Variants in TREML1 observed in about 807,000 individuals in gnomAD.
TREML1 encodes the protein triggering receptor expressed on myeloid cells like 1.
A neutral mutation model predicts 22.8 loss-of-function variants in TREML1; 27 were observed. The ratio of observed to expected loss-of-function variants is 1.19; its 90% CI spans 0.87 to 1.64. The LOEUF (loss-of-function observed/expected upper bound fraction) is 1.64, where lower values mean the gene tolerates loss of function less well. Among genes scored for constraint, TREML1 ranks in the 40% most tolerant of loss-of-function variants. The pLI, the probability that TREML1 is intolerant of heterozygous loss-of-function variation, is 0.00. For synonymous variants in TREML1, 153 were observed against 161.9 expected (o/e 0.94, Z 0.42); for missense variants, 356 against 382.0 (o/e 0.93, Z 0.57).
Position 41,149,619 on chromosome 6 carries a change from CTG to C in TREML1, c.919_920del (p.Gln307AspfsTer31). 6.2e-7 allele frequency: 1 copy of C among 1,611,758 alleles called. No individual in the cohort carries two copies. The highest frequency in any genetic ancestry group is 8.5e-7 in the Non-Finnish European group (1 of 1,178,354). On this transcript the variant is annotated frameshift_variant, in exon 6 of 6. Transcript: ENST00000426005. LOFTEE classifies it high-confidence loss of function. ...GATGAGCAGCTTAGCTGGATGGAGTCTGATTGTTAGGTGGATTCTGGGCTGGC... is the reference window on the plus strand; with the variant it reads ...GATGAGCAGCTTAGCTGGATGGAGTCATTGTTAGGTGGATTCTGGGCTGGC... Reference protein sequence around the residue: ...CGPAQNPPNNQTPSS With the variant: ...CGPAQNPPNNXTPSS
intron 5 of TREML1, 106 bp downstream of exon 5, chr6:41,150,155 A>G (rs962411394): frequency 3.1e-6 from 4 of 1,299,998 alleles, no homozygotes; most frequent in Admixed American, 4.1e-5. Flanking sequence ...TTGGACCCCA[A>G]CTAGGTCCCA....
At chr6:41,153,667 C>A (rs1423327248) in intron 2 of TREML1, 91 bp downstream of exon 2, 19 of 1,350,916 alleles carry the variant, frequency 1.4e-5, no homozygotes, top group Non-Finnish European at 1.9e-5. Context: ...TCCCCAGGGG[C>A]CCCCACTCCT....
At chr6:41,149,296 A>G (rs886143522), downstream of TREML1, 3 of 281,820 alleles carry the variant, frequency 1.1e-5, no homozygotes, top group Non-Finnish European at 2.0e-5. Flanking sequence ...AGGCCAAGCA[A>G]TTAGTCAAAC....
rs1439933981 is a variant in TREML1, at chr6:41,150,814, C to T, written c.568+5G>A. 6.2e-7 allele frequency: 1 copy of T among 1,613,636 alleles called. No homozygotes were observed. Among genetic ancestry groups the T allele is most frequent in the South Asian group, 1.1e-5 (1 of 91,060 alleles). On this transcript the variant is annotated splice_donor_5th_base_variant and intron_variant, in intron 4 of 5. Transcript: ENST00000426005. ...CCAGGCTGAGATAGGAAGATAGCCACCTACCTTGTTTCCTCTTGGCCATCA... is the reference window on the plus strand; with the variant it reads ...CCAGGCTGAGATAGGAAGATAGCCATCTACCTTGTTTCCTCTTGGCCATCA...
At chr6:41,154,361 A>T (rs987882368), upstream of TREML1, 55 of 1,326,996 alleles carry the variant, frequency 4.1e-5, no homozygotes, top group Non-Finnish European at 5.4e-5. Flanking sequence ...GGCAGGAAAC[A>T]TCTGCCTCAG....
chr6:41,149,483 G>T lies in TREML1; in HGVS notation c.*121C>A. 9.0e-7 allele frequency: 1 copy of T among 1,108,848 alleles called. No homozygotes were observed. Among genetic ancestry groups the T allele is most frequent in the Non-Finnish European group, 1.3e-6 (1 of 768,540 alleles). The allele number at this position is 1,108,848 out of a possible 1,614,324, so 68.7% of individuals were successfully genotyped here. ...TTTCCCTAGTAAAGTTAGGACATTGGATTAGATCTTAAAGTCCCTGGTTGC... is the reference window on the plus strand; with the variant it reads ...TTTCCCTAGTAAAGTTAGGACATTGTATTAGATCTTAAAGTCCCTGGTTGC... On this transcript the variant is annotated 3_prime_UTR_variant, in exon 6 of 6. Coordinates refer to ENST00000426005, the MANE Select transcript of TREML1 (RefSeq NM_178174.4).
chr6:41,154,190 C>G, intron 1 of TREML1, 56 bp downstream of exon 1: 1 of 1,598,956 alleles, frequency 6.3e-7, no homozygotes. Context: ...CACGTTACTC[C>G]TGGACATGGG....
rs928030633 is a variant in TREML1 at position 41,149,443 on chromosome 6, A to T, written c.*161T>A. The T allele has an allele frequency of 5.2e-6, 4 of 770,238 alleles. 1 individual carries two copies. In the Admixed American group the frequency reaches 1.2e-4, roughly 23 times the overall value. 47.7% of individuals were successfully genotyped at this position (770,238 alleles called of 1,614,324 possible). A position where few individuals can be genotyped will look rare whatever the true frequency, so the allele number is the denominator to read the frequency against. The stretch of plus-strand genomic sequence containing the variant: ...AGGTCTTCCCCAAGACATCTCAGTC[A>T]TGTCTGAGCGTCACTTTCCCTAGTA... On this transcript the variant is annotated 3_prime_UTR_variant, in exon 6 of 6. Transcript: ENST00000426005.
chr6:41,149,904 C>A lies in TREML1; in HGVS notation c.636G>T (p.Val212=). The change falls in exon 6 of 6, where the codon GTG becomes GTT. Residue 212 remains valine (V), a synonymous_variant. Transcript: ENST00000426005. ...SRVSGMNPSS[V]VHHVSDSGPA... ...GTCCAGAGTCACTGACGTGGTGGAC[C>A]ACTGAGGAGGGATTCTGTAACAAAA... 3.1e-6 allele frequency: 5 copies of A among 1,612,652 alleles called. No homozygotes were observed. The highest frequency in any genetic ancestry group is 4.2e-6 in the Non-Finnish European group (5 of 1,179,034).
rs147540499 is a variant in TREML1, at chr6:41,149,453, G to A, written c.*151C>T. On this transcript the variant is annotated 3_prime_UTR_variant, in exon 6 of 6. Coordinates refer to ENST00000426005, the MANE Select transcript of TREML1 (RefSeq NM_178174.4). ...CAAGACATCTCAGTCATGTCTGAGC[G>A]TCACTTTCCCTAGTAAAGTTAGGAC... The A allele has an allele frequency of 4.2e-3, 3,514 of 843,674 alleles. 12 individuals are homozygous for A. The highest frequency in any genetic ancestry group is 5.5e-3 in the Non-Finnish European group (3,035 of 548,834). The allele number at this position is 843,674 out of a possible 1,614,324, so 52.3% of individuals were successfully genotyped here.
chr6:41,151,184 CA>C (rs1765235425), intron 3 of TREML1, 97 bp downstream of exon 3: 1 of 1,099,160 alleles, frequency 9.1e-7, no homozygotes, highest in African/African-American at 1.5e-5. Context: ...TGGGAAGAAT[CA>C]TAGGTTTTCC....
At chr6:41,152,573 A>G (rs926152344) in intron 2 of TREML1, among the ~76,000 whole-genome samples, 2 of 151,906 alleles carry the variant, frequency 1.3e-5, no homozygotes, top group African/African-American at 2.4e-5. Context: ...ATTTAGAGGG[A>G]AAAAAAACAA....
At position 41,150,290 on chromosome 6, in the gene TREML1, G is replaced by A. The variant is rs767822373; in HGVS notation, c.592C>T (p.Arg198Ter). 15 of 1,613,832 alleles carry A rather than the reference G, an allele frequency of 9.3e-6. No homozygotes were observed. Among genetic ancestry groups the A allele is most frequent in the Middle Eastern group, 1.6e-4 (1 of 6,084 alleles). ...KQGNRLGVCG[R>*]FLSSRVSGMN... is the part of the protein sequence containing the mutation. ...CCTGAAACTCTGCTGCTCAGGAATC[G>A]GCCACAGACACCAAGCCTGTTCCCT... The change falls in exon 5 of 6, where the codon CGA (arginine) becomes TGA (stop). Residue 198 changes from arginine to a stop codon, truncating the protein, a stop_gained. Coordinates refer to ENST00000426005, the MANE Select transcript of TREML1 (RefSeq NM_178174.4). LOFTEE classifies it low-confidence loss of function (END_TRUNC).
chr6:41,151,004 G>T, intron 3 of TREML1, 97 bp from the exon 4 acceptor site: 1 of 1,036,960 alleles, frequency 9.6e-7, no homozygotes, highest in Non-Finnish European at 1.5e-6. Context: ...TTACATTCTT[G>T]ATTGGGAGAG....
chr6:41,152,204 G>T (rs542029187), intron 2 of TREML1, among the ~76,000 whole-genome samples: 66 of 152,220 alleles, frequency 4.3e-4, no homozygotes, highest in African/African-American at 1.6e-3. Context: ...TGCCCTCCTG[G>T]TGCCTATTAG....
At chr6:41,150,415 G>T in intron 4 of TREML1, 102 bp from the exon 5 acceptor site, 1 of 1,102,328 alleles carries the variant, frequency 9.1e-7, no homozygotes, top group Non-Finnish European at 1.3e-6. Flanking sequence ...CTTCACTACT[G>T]CAGACTCACC....
downstream of TREML1, chr6:41,149,311 G>T (rs764524034): frequency 3.2e-6 from 1 of 311,152 alleles, no homozygotes; most frequent in Non-Finnish European, 6.0e-6. Context: ...TCAAACTTGG[G>T]CAGTTTCCTT....
upstream of TREML1, chr6:41,154,434 C>T (rs1007105119): frequency 1.3e-5 from 9 of 677,598 alleles, no homozygotes; most frequent in Admixed American, 2.2e-4. Flanking sequence ...AAAGGGAGTT[C>T]TTCCAAGCCC....
Position 41,153,619 on chromosome 6 carries a change from G to A in TREML1, c.376+139C>T, listed in dbSNP as rs1052266943. On this transcript the variant is annotated intron_variant, in intron 2 of 5. Transcript: ENST00000426005. ...CCACCCAGTTTGGTTTCCGCTCCCT[G>A]CAGAGCTGTCAAGAGGATATCTCCT... 3.4e-5 allele frequency: 28 copies of A among 833,128 alleles called. No individual in the cohort carries two copies. The Admixed American group carries it at 6.9e-4, about 21-fold the overall frequency. 51.6% of individuals were successfully genotyped at this position (833,128 alleles called of 1,614,324 possible). A position where few individuals can be genotyped will look rare whatever the true frequency, so the allele number is the denominator to read the frequency against.
Sources: allele counts gnomAD v4.1 joint callset (sites outside exome capture counted in the v4.1 genomes callset), GRCh38; gene constraint gnomAD v4.1.1; transcripts MANE v1.5; gene names NCBI Gene and HGNC (gene_info 2026-07-23, HGNC 2026-07-21).